Variants in KRT8 observed in about 807,000 individuals in gnomAD.
KRT8 encodes the protein keratin, type II cytoskeletal 8.
KRT8 carries 24 observed loss-of-function variants against 43.0 expected under a neutral mutation model. That is an observed-to-expected ratio of 0.56 (90% CI 0.40 to 0.78). The LOEUF (loss-of-function observed/expected upper bound fraction) is 0.78, where lower values mean the gene tolerates loss of function less well. Among genes scored for constraint, KRT8 ranks in the 30% least tolerant of loss-of-function variants. KRT8 has a pLI of 0.00. For missense variants in KRT8, 492 were observed against 638.4 expected (o/e 0.77, Z 2.47); for synonymous variants, 214 against 261.2 (o/e 0.82, Z 1.74).
chr12:52,907,487 C>A (rs1221133084), upstream of KRT8, among the ~76,000 whole-genome samples: 2 of 152,174 alleles, frequency 1.3e-5, no homozygotes, highest in African/African-American at 4.8e-5. Flanking sequence ...AAAAACAGCA[C>A]CCCAAAGCCT....
rs975738320 is a variant in KRT8 at position 52,899,072 on chromosome 12, TG to T, written c.982-174del. 6.1e-6 allele frequency: 4 copies of T among 652,678 alleles called. No individual in the cohort carries two copies. The Admixed American group carries it at 6.7e-5, about 11-fold the overall frequency. 40.4% of individuals were successfully genotyped at this position (652,678 alleles called of 1,614,324 possible). A position where few individuals can be genotyped will look rare whatever the true frequency, so the allele number is the denominator to read the frequency against. On this transcript the variant is annotated intron_variant, in intron 5 of 7. Coordinates refer to ENST00000692008, the Ensembl canonical transcript of KRT8. ...GCTCATGCCTGTAATCCCAGCACTT[TG>T]GGAGGCCGAGGCGGGCAGATCACAA...
intron 2 of KRT8, among the ~76,000 whole-genome samples, chr12:52,931,709 C>G (rs1942087107): frequency 6.6e-6 from 1 of 151,500 alleles, no homozygotes; most frequent in Non-Finnish European, 1.5e-5. Context: ...GTTGCCCAGG[C>G]TGGATTGCAG....
At chr12:52,948,493 TC>T (rs1942386307) in intron 2 of KRT8, 1 of 127,782 alleles carries the variant, frequency 7.8e-6, no homozygotes, top group African/African-American at 4.2e-5. Context: ...ATTTCTTTTT[TC>T]TTTTTTTTTT....
chr12:52,899,898 A>G (rs777168190), exon 5 of KRT8: 1 of 1,612,862 alleles, frequency 6.2e-7, no homozygotes, highest in Non-Finnish European at 8.5e-7. Flanking sequence ...GCAGCTCCTC[A>G]TACTTGATCT....
intron 2 of KRT8, among the ~76,000 whole-genome samples, chr12:52,924,199 G>A (rs1017249078): frequency 2.6e-5 from 4 of 151,938 alleles, no homozygotes; most frequent in African/African-American, 7.3e-5. Context: ...CTGTAATCCC[G>A]GCACTTTGGG....
chr12:52,920,917 G>C (rs1021847609), intron 2 of KRT8, among the ~76,000 whole-genome samples: 3 of 152,210 alleles, frequency 2.0e-5, no homozygotes, highest in African/African-American at 7.2e-5. Flanking sequence ...ATGAGACAGA[G>C]AGACTCTAGA....
intron 2 of KRT8, among the ~76,000 whole-genome samples, chr12:52,930,127 A>G (rs1942060017): frequency 6.6e-6 from 1 of 152,196 alleles, no homozygotes; most frequent in Non-Finnish European, 1.5e-5. Flanking sequence ...TGCCTGATAC[A>G]TCATAGATGT....
chr12:52,918,225 A>AGAG, intron 2 of KRT8, among the ~76,000 whole-genome samples: 1 of 151,078 alleles, frequency 6.6e-6, no homozygotes, highest in African/African-American at 2.4e-5. Context: ...AAGAAGAAGA[A>AGAG]GAAGAAGAAG....
intron 2 of KRT8, among the ~76,000 whole-genome samples, chr12:52,929,188 C>CTTT (rs59896088): frequency 2.3e-5 from 3 of 132,926 alleles, no homozygotes; most frequent in Non-Finnish European, 3.1e-5. Flanking sequence ...TCCTTCCTTT[C>CTTT]TTTTTTTTTT....
chr12:52,939,950 A>C (rs1942239294), intron 2 of KRT8, among the ~76,000 whole-genome samples: 1 of 152,138 alleles, frequency 6.6e-6, no homozygotes, highest in Admixed American at 6.6e-5. Flanking sequence ...AAAAAGTTAG[A>C]AAAAGTAAAG....
chr12:52,910,508 G>A (rs916329001), upstream of KRT8, among the ~76,000 whole-genome samples: 6 of 152,228 alleles, frequency 3.9e-5, no homozygotes, highest in African/African-American at 1.4e-4. Context: ...ACCACCGTTG[G>A]CCAGGGCCAC....
chr12:52,938,064 T>C (rs890709935), intron 2 of KRT8, among the ~76,000 whole-genome samples: 52 of 138,730 alleles, frequency 3.7e-4, no homozygotes, highest in Non-Finnish European at 6.2e-4. Context: ...CATGAAAAGA[T>C]GCCCAATATC....
chr12:52,908,222 C>T (rs775888884), upstream of KRT8, among the ~76,000 whole-genome samples: 1 of 151,996 alleles, frequency 6.6e-6, no homozygotes, highest in Non-Finnish European at 1.5e-5. Context: ...ATGGTCTGAA[C>T]AAGTTTTTTT....
At chr12:52,901,241 T>C (rs1362483242) in intron 2 of KRT8, 22 bp from the exon 3 acceptor site, 3 of 1,591,274 alleles carry the variant, frequency 1.9e-6, no homozygotes, top group East Asian at 2.2e-5. Context: ...AGACTTACAA[T>C]TAGAGGATGA....
At chr12:52,933,718 G>A (rs901430038) in intron 2 of KRT8, among the ~76,000 whole-genome samples, 6 of 151,744 alleles carry the variant, frequency 4.0e-5, no homozygotes, top group Non-Finnish European at 5.9e-5. Context: ...TCCGCCTCCC[G>A]GGTTCAAGCA....
At chr12:52,897,435 G>A in exon 8 of KRT8, 1 of 1,599,386 alleles carries the variant, frequency 6.3e-7, no homozygotes, top group Non-Finnish European at 8.5e-7. Flanking sequence ...TGTTCACTTG[G>A]GCAGGACGTC....
intron 2 of KRT8, among the ~76,000 whole-genome samples, chr12:52,915,072 G>A (rs945283004): frequency 1.3e-5 from 2 of 152,020 alleles, no homozygotes; most frequent in Non-Finnish European, 2.9e-5. Context: ...ATAGAGAAAG[G>A]GGAAAAAAAA....
In KRT8 at chr12:52,917,030, A is replaced by T. The variant is rs114285697; in HGVS notation, c.-46-12003T>A. Among the ~76,000 whole-genome samples the T allele has an allele frequency of 5.8e-3, 886 of 152,276 alleles. 8 individuals are homozygous for T. Among genetic ancestry groups the T allele is most frequent in the African/African-American group, 0.021 (854 of 41,548 alleles). ...GATATAACCAGCACCAATAGGAAGG[A>T]TTCCCCCAGAGAGAGACTTCTGCTC... is the stretch of plus-strand genomic sequence containing the variant. On this transcript the variant is annotated intron_variant, in intron 2 of 6. Transcript: ENST00000546826.
intron 2 of KRT8, among the ~76,000 whole-genome samples, chr12:52,919,389 C>T (rs1287215743): frequency 6.6e-6 from 1 of 152,160 alleles, no homozygotes. Context: ...GTCTCAGCCT[C>T]CCAAGTAGCT....
Sources: gnomAD v4.1 joint callset for allele counts (sites outside exome capture counted in the v4.1 genomes callset) on GRCh38, gnomAD v4.1.1 for gene constraint, MANE v1.5 for transcripts, NCBI Gene and HGNC (gene_info 2026-07-23, HGNC 2026-07-21) for gene names.